GAK: variants seen among roughly 807,000 people sequenced by gnomAD.
GAK encodes the protein cyclin-G-associated kinase.
Under a neutral mutation model 143.9 loss-of-function variants are expected in GAK, and 79 were observed. That is an observed-to-expected ratio of 0.55 (90% CI 0.46 to 0.66). The LOEUF (loss-of-function observed/expected upper bound fraction) is 0.66. Among genes scored for constraint, GAK ranks in the 30% least tolerant of loss-of-function variants. The pLI is 0.00. For synonymous variants in GAK, 881 were observed against 765.5 expected (o/e 1.15, Z -2.49); for missense variants, 1,693 against 1,779.7 (o/e 0.95, Z 0.88).
intron 4 of GAK, among the ~76,000 whole-genome samples, chr4:905,034 C>T (rs188265645): frequency 6.6e-6 from 1 of 152,196 alleles, no homozygotes; most frequent in African/African-American, 2.4e-5. Context: ...TTTTCGTAAC[C>T]AATCAGATGT....
intron 23 of GAK, among the ~76,000 whole-genome samples, chr4:861,127 G>A (rs1039770687): frequency 1.3e-5 from 2 of 152,058 alleles, no homozygotes; most frequent in South Asian, 2.1e-4. Context: ...GCCACTCCCC[G>A]TCTCGCTCCT....
rs567110785 is a variant in GAK at position 873,163 on chromosome 4, A to C, written c.2055-2259T>G. Among the ~76,000 whole-genome samples, 37 of 152,302 alleles carry C rather than the reference A, an allele frequency of 2.4e-4. 1 individual carries two copies. Among genetic ancestry groups the C allele is most frequent in the African/African-American group, 6.5e-4 (27 of 41,564 alleles). ...GCGCAACCAACCTTTCTTCCTTTTA[A>C]TGTATGCATTTGAAGTTACACATTT... On this transcript the variant is annotated intron_variant, in intron 18 of 27. Transcript: ENST00000314167.
At chr4:891,044 G>A (rs577662803) in intron 9 of GAK, among the ~76,000 whole-genome samples, 17 of 149,132 alleles carry the variant, frequency 1.1e-4, no homozygotes, top group South Asian at 2.1e-4. Context: ...CGCAACCTCC[G>A]CCTCATGAGT....
In GAK at chr4:867,187, C is replaced by A. The variant is rs1751353106; in HGVS notation, c.2641G>T (p.Val881Phe). Residue 881 changes from valine (V) to phenylalanine (F), a missense_variant, in exon 21 of 28, where the codon GTC (valine) becomes TTC (phenylalanine). Physicochemically the swap from Val to Phe is conservative, Grantham distance 50. This residue lies in a region of GAK where 822 missense variants were observed against 788.7 expected (regional missense o/e 1.04). Transcript: ENST00000314167. ...TCGGAGTGCAGGCCCAGGAGGTCGA[C>A]CCCGTCTTCCTGTGGCACAGGCTCT... ...LPEPVPQEDG[V>F]DLLGLHSEVG... 6.2e-7 allele frequency: 1 copy of A among 1,609,732 alleles called. No individual in the cohort carries two copies. Among genetic ancestry groups the A allele is most frequent in the Non-Finnish European group, 8.5e-7 (1 of 1,177,794 alleles).
In GAK at chr4:913,567, T is replaced by C. The variant is rs774873367; in HGVS notation, c.207+40A>G. 1.0e-5 allele frequency: 15 copies of C among 1,490,876 alleles called. No individual in the cohort carries two copies. The East Asian group carries it at 2.3e-4, about 22-fold the overall frequency. The allele number at this position is 1,490,876 out of a possible 1,614,324, so 92.4% of individuals were successfully genotyped here. On this transcript the variant is annotated intron_variant, in intron 2 of 27. Transcript: ENST00000314167. ...ACTGTCACCAGACAGTCCCTTTACA[T>C]ACGTCAGAAATCCAGAGAAGGCGTT...
intron 24 of GAK, among the ~76,000 whole-genome samples, chr4:855,397 G>A (rs1748958401): frequency 6.6e-6 from 1 of 151,878 alleles, no homozygotes; most frequent in Admixed American, 6.6e-5. Context: ...TTATATAATT[G>A]CAAGTAAACA....
At chr4:865,330 C>A in intron 22 of GAK, 86 bp from the exon 23 acceptor site, 1 of 1,562,586 alleles carries the variant, frequency 6.4e-7, no homozygotes, top group Non-Finnish European at 8.7e-7. Context: ...GCTCAGGGCC[C>A]TAGGAGCGGA....
intron 5 of GAK, among the ~76,000 whole-genome samples, chr4:902,474 C>A (rs1234449072): frequency 1.3e-5 from 2 of 150,488 alleles, no homozygotes; most frequent in Non-Finnish European, 3.0e-5. Context: ...GCGTGGTGTG[C>A]GCCTGTGGTC....
chr4:923,957 G>A (rs767661919), intron 1 of GAK, among the ~76,000 whole-genome samples: 1 of 152,122 alleles, frequency 6.6e-6, no homozygotes. Context: ...GGCCAAGGCC[G>A]GCGGGTGACC....
At chr4:900,522 G>A (rs922655023) in intron 5 of GAK, among the ~76,000 whole-genome samples, 2 of 152,000 alleles carry the variant, frequency 1.3e-5, no homozygotes, top group East Asian at 1.9e-4. Context: ...CCCGCTACAC[G>A]ACCCATCACA....
chr4:850,178 G>C, intron 26 of GAK, 110 bp from the exon 27 acceptor site: 2 of 1,040,382 alleles, frequency 1.9e-6, no homozygotes, highest in Admixed American at 5.3e-5. Flanking sequence ...CGTGGGGTGG[G>C]CTCAGCCCGG....
intron 1 of GAK, among the ~76,000 whole-genome samples, chr4:919,066 G>C (rs367544050): frequency 4.0e-4 from 36 of 90,050 alleles, no homozygotes; most frequent in East Asian, 2.2e-3. Context: ...CCTCAGTGCC[G>C]CATGACCTTA....
intron 1 of GAK, among the ~76,000 whole-genome samples, chr4:926,051 C>A (rs1432614791): frequency 6.6e-6 from 1 of 151,986 alleles, no homozygotes; most frequent in Non-Finnish European, 1.5e-5. Context: ...GTCTAATTCA[C>A]CCCAAGGGGG....
chr4:859,427 G>A lies in GAK; in HGVS notation c.3283+179C>T, dbSNP rs752324019. The A allele has an allele frequency of 3.2e-6, 5 of 1,563,842 alleles. No homozygotes were observed. The Admixed American group carries it at 5.5e-5, about 17-fold the overall frequency. ...AACTCCCGGTTTTAGCTTGCCAGTT[G>A]GCAGTCGCCTGGAACAGGTGCAGAC... On this transcript the variant is annotated intron_variant, in intron 24 of 27. Coordinates refer to ENST00000314167, the MANE Select transcript of GAK (RefSeq NM_005255.4).
At chr4:889,579 C>T (rs980462933) in intron 10 of GAK, among the ~76,000 whole-genome samples, 46 of 152,326 alleles carry the variant, frequency 3.0e-4, no homozygotes, top group African/African-American at 9.4e-4. Context: ...GAGACCCAGC[C>T]AGCCACTACA....
At chr4:868,449 C>A in intron 20 of GAK, 90 bp downstream of exon 20, 3 of 1,406,288 alleles carry the variant, frequency 2.1e-6, no homozygotes, top group Admixed American at 2.0e-5. Context: ...GCCGGAGGCC[C>A]GTCTCCCAAG....
At chr4:898,231 T>G in intron 5 of GAK, 73 bp from the exon 6 acceptor site, 1 of 1,570,770 alleles carries the variant, frequency 6.4e-7, no homozygotes, top group South Asian at 1.1e-5. Flanking sequence ...AACGAACGGG[T>G]GTGAGACACA....
chr4:850,554 G>T (rs1407247121), intron 26 of GAK: 2 of 193,248 alleles, frequency 1.0e-5, no homozygotes, highest in Non-Finnish European at 2.1e-5. Context: ...CCTGGGTTGG[G>T]AGGCTCAGTA....
chr4:882,170 T>C, intron 14 of GAK, 130 bp from the exon 15 acceptor site: 1 of 1,021,678 alleles, frequency 9.8e-7, no homozygotes, highest in Non-Finnish European at 1.4e-6. Context: ...AGCTGGGATA[T>C]GTTTAGGGAG....
Sources: allele counts gnomAD v4.1 joint callset (sites outside exome capture counted in the v4.1 genomes callset), GRCh38; gene constraint gnomAD v4.1.1; regional missense constraint gnomAD v4.1.1; transcripts MANE v1.5; gene names NCBI Gene and HGNC (gene_info 2026-07-23, HGNC 2026-07-21).